Variants in EEF2K observed in about 807,000 individuals in gnomAD.
EEF2K encodes the protein alternative protein EEF2K.
In EEF2K, 70 loss-of-function variants were observed where a neutral mutation model predicts 93.8. That is an observed-to-expected ratio of 0.75 (90% CI 0.62 to 0.91). The LOEUF is 0.91. EEF2K is among the 40% of genes least tolerant of loss of function. The probability of loss-of-function intolerance (pLI) is 0.00; values close to 1 mark genes in which losing one functional copy is unlikely to be tolerated. For synonymous variants in EEF2K, 376 were observed against 380.8 expected (o/e 0.99, Z 0.15); for missense variants, 935 against 972.9 (o/e 0.96, Z 0.52).
In EEF2K at chr16:22,236,934, C is replaced by CTTTTTTTT. The variant is rs71151665; in HGVS notation, c.247-7675_247-7668dup. ...TTTTTTATGAAATATCCACAGACCT[C>CTTTTTTTT]TTTTTTTTTTTTTTTTTTTTTTTTT... On this transcript the variant is annotated intron_variant, in intron 2 of 17. Transcript: ENST00000263026. Among the ~76,000 whole-genome samples, 14 of 56,228 alleles carry CTTTTTTTT rather than the reference C, an allele frequency of 2.5e-4. 1 individual carries two copies. The highest frequency in any genetic ancestry group is 8.9e-4 in the African/African-American group (14 of 15,814). The allele number at this position is 56,228 out of a possible 152,430, so 36.9% of individuals were successfully genotyped here.
intron 1 of EEF2K, among the ~76,000 whole-genome samples, chr16:22,208,529 C>T (rs1185763907): frequency 6.6e-6 from 1 of 151,978 alleles, no homozygotes; most frequent in Non-Finnish European, 1.5e-5. Context: ...GACTCTGTCT[C>T]AAAAAATAAA....
Position 22,217,214 on chromosome 16 carries a change from T to TATAGATAGATAG in EEF2K, c.-76-8434_-76-8423dup, listed in dbSNP as rs199518061. On this transcript the variant is annotated intron_variant, in intron 1 of 17. Coordinates refer to ENST00000263026, the MANE Select transcript of EEF2K (RefSeq NM_013302.5). ...AGGAAGCGTATTATTTAGTGATATA[T>TATAGATAGATAG]ATAGATAGATAGATAGAGAGAGAGA... 6.7e-5 allele frequency among the ~76,000 whole-genome samples: 9 copies of TATAGATAGATAG among 133,422 alleles called. 1 individual carries two copies. In the East Asian group the frequency reaches 1.9e-3, roughly 29 times the overall value. The allele number at this position is 133,422 out of a possible 152,430, so 87.5% of individuals were successfully genotyped here. A position where few individuals can be genotyped will look rare whatever the true frequency, so the allele number is the denominator to read the frequency against.
chr16:22,251,401 T>C, intron 6 of EEF2K, 79 bp downstream of exon 6: 2 of 1,463,806 alleles, frequency 1.4e-6, no homozygotes, highest in Middle Eastern at 2.2e-4. Flanking sequence ...CCATGGTGAA[T>C]CCCTATTTCA....
At chr16:22,281,583 T>G (rs1011514412) in intron 17 of EEF2K, among the ~76,000 whole-genome samples, 1 of 152,198 alleles carries the variant, frequency 6.6e-6, no homozygotes, top group Admixed American at 6.5e-5. Context: ...CAATCATCAC[T>G]GCTATGTAAT....
intron 1 of EEF2K, among the ~76,000 whole-genome samples, chr16:22,218,954 G>A (rs1290314376): frequency 7.0e-6 from 1 of 141,864 alleles, no homozygotes; most frequent in Non-Finnish European, 1.5e-5. Context: ...AAAAAAAAAA[G>A]AGAAAAAAGA....
chr16:22,268,242 G>A (rs1419799023), intron 15 of EEF2K, among the ~76,000 whole-genome samples: 3 of 151,956 alleles, frequency 2.0e-5, no homozygotes, highest in Admixed American at 6.6e-5. Flanking sequence ...GTAGTGGTGC[G>A]ATCTCGGCTC....
Position 22,225,695 on chromosome 16 carries a change from G to A in EEF2K, c.-35G>A, listed in dbSNP as rs1363795539. The A allele has an allele frequency of 5.0e-6, 8 of 1,607,508 alleles. No homozygotes were observed. Among genetic ancestry groups the A allele is most frequent in the East Asian group, 2.2e-5 (1 of 44,796 alleles). On this transcript the variant is annotated 5_prime_UTR_variant, in exon 2 of 18. Transcript: ENST00000263026. ...TTTGTCCAGTAACTCTGGCTGTGCC[G>A]GATACTGCTTGGGTAAAACGGGCAC...
intron 3 of EEF2K, among the ~76,000 whole-genome samples, chr16:22,246,515 T>TAAAAAG (rs2047293144): frequency 1.4e-5 from 1 of 70,490 alleles, no homozygotes; most frequent in Non-Finnish European, 2.7e-5. Context: ...GACTCAGTCT[T>TAAAAAG]AAAAAAAAAA....
intron 16 of EEF2K, among the ~76,000 whole-genome samples, chr16:22,277,065 T>TAAAACAAAAACA (rs60846240): frequency 6.6e-6 from 1 of 151,794 alleles, no homozygotes; most frequent in Non-Finnish European, 1.5e-5. Flanking sequence ...AATGCCGTCT[T>TAAAACAAAAACA]AAAACAAAAA....
At chr16:22,238,764 A>C (rs1028342791) in intron 2 of EEF2K, among the ~76,000 whole-genome samples, 3 of 151,814 alleles carry the variant, frequency 2.0e-5, no homozygotes, top group Non-Finnish European at 4.4e-5. Context: ...AAGTCGGTGC[A>C]GAAGAAGGTT....
chr16:22,207,764 C>T (rs1021309105), intron 1 of EEF2K, among the ~76,000 whole-genome samples: 19 of 152,048 alleles, frequency 1.2e-4, no homozygotes, highest in African/African-American at 3.9e-4. Context: ...AAGAGGAAGC[C>T]AGTCACATAA....
At chr16:22,262,849 G>A (rs1188885798) in intron 11 of EEF2K, among the ~76,000 whole-genome samples, 2 of 152,146 alleles carry the variant, frequency 1.3e-5, no homozygotes, top group Non-Finnish European at 2.9e-5. Context: ...AGAGCCCAAG[G>A]TCCTTACTGT....
chr16:22,262,014 C>G (rs2047469916), intron 11 of EEF2K, among the ~76,000 whole-genome samples: 1 of 151,408 alleles, frequency 6.6e-6, no homozygotes, highest in Admixed American at 6.6e-5. Context: ...CACACACACA[C>G]ACACACACAC....
chr16:22,240,039 G>C (rs2047205339), intron 2 of EEF2K, among the ~76,000 whole-genome samples: 1 of 150,338 alleles, frequency 6.7e-6, no homozygotes, highest in African/African-American at 2.5e-5. Context: ...GGAGGCAGAG[G>C]TTGCAGTGAG....
At chr16:22,262,303 A>C (rs967931248) in intron 11 of EEF2K, among the ~76,000 whole-genome samples, 4 of 152,078 alleles carry the variant, frequency 2.6e-5, no homozygotes, top group Admixed American at 2.6e-4. Flanking sequence ...CAAGTTCAGG[A>C]GTTTGAGACC....
At chr16:22,238,376 T>C (rs192047818) in intron 2 of EEF2K, among the ~76,000 whole-genome samples, 56 of 152,224 alleles carry the variant, frequency 3.7e-4, no homozygotes, top group Middle Eastern at 6.8e-3. Flanking sequence ...CCCCTACAGA[T>C]GGGCAGTTTG....
chr16:22,216,002 G>C (rs1023297586), intron 1 of EEF2K, among the ~76,000 whole-genome samples: 3 of 152,130 alleles, frequency 2.0e-5, no homozygotes, highest in Non-Finnish European at 2.9e-5. Flanking sequence ...TACAAGGTAT[G>C]GGGGGAGGGA....
chr16:22,238,952 A>C (rs1462754241), intron 2 of EEF2K, among the ~76,000 whole-genome samples: 1 of 152,158 alleles, frequency 6.6e-6, no homozygotes, highest in East Asian at 1.9e-4. Context: ...GGGCCACAAA[A>C]AAGTGGACCA....
intron 17 of EEF2K, among the ~76,000 whole-genome samples, chr16:22,283,556 A>G (rs1356968084): frequency 6.6e-6 from 1 of 152,144 alleles, no homozygotes; most frequent in Non-Finnish European, 1.5e-5. Context: ...ATTAGTTCTC[A>G]GCCTGATTCT....
Sources: allele counts gnomAD v4.1 joint callset (sites outside exome capture counted in the v4.1 genomes callset), GRCh38; gene constraint gnomAD v4.1.1; transcripts MANE v1.5; gene names NCBI Gene and HGNC (gene_info 2026-07-23, HGNC 2026-07-21).